Variants in RASEF observed in about 807,000 individuals in gnomAD.
RASEF encodes ras and EF-hand domain-containing protein.
In RASEF, 68 loss-of-function variants were observed where a neutral mutation model predicts 90.1. The ratio of observed to expected loss-of-function variants is 0.75; its 90% CI spans 0.62 to 0.92. The LOEUF is 0.92. Ranked by LOEUF, RASEF falls within the 40% of genes least tolerant of loss-of-function variation. The pLI, the probability that RASEF is intolerant of heterozygous loss-of-function variation, is 0.00. For synonymous variants in RASEF, 331 were observed against 345.2 expected, an observed-to-expected ratio of 0.96 and a Z score of 0.46; for missense variants, 949 against 937.2, an observed-to-expected ratio of 1.01 and a Z score of -0.16.
the RASEF span, among the ~76,000 whole-genome samples, chr9:83,147,040 G>GTGTATATA: frequency 7.1e-3 from 1,017 of 143,704 alleles, 12 homozygotes; most frequent in East Asian, 0.015. Context: ...ATATATATAT[G>GTGTATATA]TATATATATA....
At chr9:83,137,414 GAGTT>G in the RASEF span, among the ~76,000 whole-genome samples, 1 of 152,166 alleles carries the variant, frequency 6.6e-6, no homozygotes, top group Non-Finnish European at 1.5e-5. Flanking sequence ...TTGGAGAAGA[GAGTT>G]AGAAGTTGTG....
intron 16 of RASEF, among the ~76,000 whole-genome samples, chr9:82,983,988 T>C (rs944385674): frequency 2.0e-5 from 3 of 152,178 alleles, no homozygotes; most frequent in African/African-American, 7.2e-5. Flanking sequence ...CTCTGCCAAC[T>C]GTGAGAAATA....
chr9:83,134,795 C>T, the RASEF span, among the ~76,000 whole-genome samples: 1 of 152,070 alleles, frequency 6.6e-6, no homozygotes, highest in African/African-American at 2.4e-5. Flanking sequence ...CATGTCTACA[C>T]AAAAACTTGT....
chr9:83,130,003 T>C, the RASEF span, among the ~76,000 whole-genome samples: 247 of 152,346 alleles, frequency 1.6e-3, 1 homozygote, highest in African/African-American at 5.7e-3. Flanking sequence ...TGTGACCAAA[T>C]GCTTTAATGT....
At chr9:82,998,198 T>C (rs967675347) in intron 13 of RASEF, among the ~76,000 whole-genome samples, 167 bp downstream of exon 13, 1 of 152,200 alleles carries the variant, frequency 6.6e-6, no homozygotes, top group Admixed American at 6.5e-5. Flanking sequence ...TGCGAGAATA[T>C]AAGCATTTTA....
At chr9:83,058,646 C>A (rs1338709510) in intron 1 of RASEF, among the ~76,000 whole-genome samples, 1 of 152,182 alleles carries the variant, frequency 6.6e-6, no homozygotes, top group Admixed American at 6.5e-5. Flanking sequence ...AATGGAGAAG[C>A]AACCCTCACC....
intron 1 of RASEF, among the ~76,000 whole-genome samples, chr9:83,033,898 C>T (rs995661042): frequency 1.3e-5 from 2 of 152,242 alleles, no homozygotes; most frequent in East Asian, 1.9e-4. Flanking sequence ...TAGCCTACTT[C>T]GTTCGATGCC....
At chr9:83,030,984 A>G (rs555022147) in intron 1 of RASEF, among the ~76,000 whole-genome samples, 67 of 152,198 alleles carry the variant, frequency 4.4e-4, no homozygotes, top group African/African-American at 1.6e-3. Context: ...AAAAACTCCA[A>G]TATGGCTAAG....
rs1554707590 is a variant in RASEF, at chr9:83,017,339, A to AAAAG, written c.670-1443_670-1440dup. The stretch of plus-strand genomic sequence containing the variant: ...TCTCTACTAAAAAAAAAAAAAAAAA[A>AAAAG]AAAGAAAGAAATTAGCCGGGTGTGG... On this transcript the variant is annotated intron_variant, in intron 3 of 16. Transcript: ENST00000376447. 2.6e-3 allele frequency among the ~76,000 whole-genome samples: 346 copies of AAAAG among 134,056 alleles called. 18 individuals are homozygous for AAAAG. The highest frequency in any genetic ancestry group is 0.015 in the Middle Eastern group (4 of 266). 87.9% of individuals were successfully genotyped at this position (134,056 alleles called of 152,430 possible).
the RASEF span, among the ~76,000 whole-genome samples, chr9:83,168,584 A>G: frequency 6.6e-6 from 1 of 152,210 alleles, no homozygotes; most frequent in African/African-American, 2.4e-5. Context: ...ATTAATAACC[A>G]GAATATATAA....
chr9:83,203,652 G>T, the RASEF span, among the ~76,000 whole-genome samples: 1 of 152,160 alleles, frequency 6.6e-6, no homozygotes, highest in African/African-American at 2.4e-5. Context: ...AGTAGACCAG[G>T]TCTGTTCTGA....
At chr9:83,166,545 C>T in the RASEF span, among the ~76,000 whole-genome samples, 1 of 152,128 alleles carries the variant, frequency 6.6e-6, no homozygotes, top group African/African-American at 2.4e-5. Context: ...CCCACGCTGA[C>T]GTAGAACCCA....
At chr9:83,100,243 TG>T in the RASEF span, among the ~76,000 whole-genome samples, 4 of 152,340 alleles carry the variant, frequency 2.6e-5, no homozygotes, top group South Asian at 8.3e-4. Flanking sequence ...TTCAAGTATA[TG>T]ACATTTCTAT....
the RASEF span, among the ~76,000 whole-genome samples, chr9:83,204,864 A>G: frequency 1.3e-5 from 2 of 152,236 alleles, no homozygotes; most frequent in African/African-American, 2.4e-5. Flanking sequence ...CCATATTGTT[A>G]ATACTAGTTT....
At chr9:83,198,220 G>A in the RASEF span, among the ~76,000 whole-genome samples, 1 of 152,052 alleles carries the variant, frequency 6.6e-6, no homozygotes, top group African/African-American at 2.4e-5. Flanking sequence ...TTAGAAATAA[G>A]AAGGCACCTG....
At chr9:83,140,259 G>C in the RASEF span, among the ~76,000 whole-genome samples, 1 of 152,158 alleles carries the variant, frequency 6.6e-6, no homozygotes, top group Non-Finnish European at 1.5e-5. Context: ...TGTATGCTGT[G>C]AGGTCAAGCC....
the RASEF span, among the ~76,000 whole-genome samples, chr9:83,155,296 CTGA>C: frequency 6.6e-6 from 1 of 152,206 alleles, no homozygotes; most frequent in South Asian, 2.1e-4. Context: ...TTTCATGCTG[CTGA>C]TGAAGACATA....
At chr9:83,206,448 A>G in the RASEF span, among the ~76,000 whole-genome samples, 142 of 152,374 alleles carry the variant, frequency 9.3e-4, no homozygotes, top group African/African-American at 3.3e-3. Flanking sequence ...TAGAATCATC[A>G]TGCTCATGGA....
intron 4 of RASEF, among the ~76,000 whole-genome samples, chr9:83,014,572 C>T (rs530651338): frequency 3.3e-5 from 5 of 152,294 alleles, no homozygotes; most frequent in Admixed American, 3.3e-4. Flanking sequence ...CCTGCCTCAG[C>T]TTTCCAAAGT....
Sources: gnomAD v4.1 joint callset for allele counts (sites outside exome capture counted in the v4.1 genomes callset) on GRCh38, gnomAD v4.1.1 for gene constraint, MANE v1.5 for transcripts, NCBI Gene and HGNC (gene_info 2026-07-23, HGNC 2026-07-21) for gene names.